LRBA: variants seen among roughly 807,000 people sequenced by gnomAD.
LRBA encodes LPS responsive beige-like anchor protein.
A neutral mutation model predicts 330.0 loss-of-function variants in LRBA; 176 were observed. The observed-to-expected ratio is 0.53, with a 90% CI of 0.47 to 0.60. The LOEUF (loss-of-function observed/expected upper bound fraction) is 0.60, where lower values mean the gene tolerates loss of function less well. Ranked by LOEUF, LRBA falls within the 20% of genes least tolerant of loss-of-function variation. LRBA has a pLI of 0.00. For synonymous variants in LRBA, 1,230 were observed against 1,193.0 expected (o/e 1.03, Z -0.64); for missense variants, 3,259 against 3,444.8 (o/e 0.95, Z 1.35).
Position 150,915,681 on chromosome 4 carries a change from C to T in LRBA, c.941G>A (p.Ser314Asn), listed in dbSNP as rs373268586. The stretch of plus-strand genomic sequence containing the variant: ...ACCATTCACATAACATCGAAGTTCA[C>T]TATTCTTCCATCGGTTATAGATGTG... ...IVHIYNRWKNSELRCYVNGEL... is the reference protein window; with the variant it reads ...IVHIYNRWKNNELRCYVNGEL... Residue 314 changes from serine (S) to asparagine (N), a missense_variant, in exon 8 of 57, where the codon AGT becomes AAT. By Grantham distance (46) the Ser-to-Asn change is conservative (BLOSUM62 1). Coordinates refer to ENST00000651943, the MANE Select transcript of LRBA (RefSeq NM_001364905.1). The T allele has an allele frequency of 2.5e-6, 4 of 1,612,710 alleles. No individual in the cohort carries two copies. Among genetic ancestry groups the T allele is most frequent in the East Asian group, 2.2e-5 (1 of 44,768 alleles).
At chr4:150,787,997 G>GT (rs1011193504) in intron 34 of LRBA, among the ~76,000 whole-genome samples, 2 of 152,122 alleles carry the variant, frequency 1.3e-5, no homozygotes, top group African/African-American at 2.4e-5. Context: ...TGTATTTTTA[G>GT]TTTTTTGAGG....
chr4:150,295,451 C>T (rs1283633420), intron 53 of LRBA, among the ~76,000 whole-genome samples: 1 of 152,040 alleles, frequency 6.6e-6, no homozygotes, highest in African/African-American at 2.4e-5. Flanking sequence ...CTTGTCTTGG[C>T]CTCCCAAAAT....
At chr4:150,517,815 C>A (rs1458617222) in intron 40 of LRBA, among the ~76,000 whole-genome samples, 1 of 152,148 alleles carries the variant, frequency 6.6e-6, no homozygotes, top group Non-Finnish European at 1.5e-5. Context: ...CCTTAGGGGA[C>A]ATCTGACACC....
At position 150,828,248 on chromosome 4, in the gene LRBA, T is replaced by C. The variant is rs776801748; in HGVS notation, c.5103A>G (p.Pro1701=). 10 of 1,614,134 alleles carry C rather than the reference T, an allele frequency of 6.2e-6. No individual in the cohort carries two copies. In the South Asian group the frequency reaches 1.1e-4, roughly 18 times the overall value. ...DGVTVDPALL[P]PACLGALGDL... is the part of the protein sequence containing the mutation. ...CACCAAGGGCTCCAAGGCAGGCTGG[T>C]GGCAGAAGGGCAGGATCCACTGTGA... is the stretch of plus-strand genomic sequence containing the variant. The change falls in exon 30 of 57, where the codon CCA becomes CCG. Residue 1701 remains proline, a synonymous_variant. Coordinates refer to ENST00000651943, the MANE Select transcript of LRBA (RefSeq NM_001364905.1).
chr4:150,777,355 A>G (rs1737529045), intron 34 of LRBA, among the ~76,000 whole-genome samples: 1 of 151,412 alleles, frequency 6.6e-6, no homozygotes, highest in African/African-American at 2.5e-5. Flanking sequence ...GCTCTCAGAA[A>G]CCAAACATAA....
intron 34 of LRBA, among the ~76,000 whole-genome samples, chr4:150,795,165 A>G (rs1463995705): frequency 6.6e-6 from 1 of 152,130 alleles, no homozygotes. Flanking sequence ...GTGGCCTTGA[A>G]TGCAACGTCA....
At chr4:150,298,572 C>T (rs114052201) in intron 53 of LRBA, among the ~76,000 whole-genome samples, 1,641 of 152,126 alleles carry the variant, frequency 0.011, 26 homozygotes, top group African/African-American at 0.038. Flanking sequence ...AAAAACAGCT[C>T]TGTGGTCTGT....
At chr4:150,888,081 T>C (rs1197712812) in intron 17 of LRBA, among the ~76,000 whole-genome samples, 3 of 151,668 alleles carry the variant, frequency 2.0e-5, no homozygotes, top group East Asian at 1.9e-4. Flanking sequence ...AGATTTCTCA[T>C]TGGAAACCAT....
chr4:150,351,472 G>A (rs1382076439), intron 47 of LRBA, among the ~76,000 whole-genome samples: 1 of 151,996 alleles, frequency 6.6e-6, no homozygotes, highest in South Asian at 2.1e-4. Flanking sequence ...GGCGGATCAC[G>A]AGGTCAGGAG....
rs62344667 is a variant in LRBA, at chr4:150,463,476, T to C, written c.6780+4197A>G. Among the ~76,000 whole-genome samples the C allele has an allele frequency of 7.8e-3, 1,186 of 152,134 alleles. 11 individuals are homozygous for C. Among genetic ancestry groups the C allele is most frequent in the Non-Finnish European group, 0.011 (754 of 67,956 alleles). On this transcript the variant is annotated intron_variant, in intron 44 of 56. Transcript: ENST00000651943. ...AAATGACATTTCTTATGTCTTTGTTTAGTGGATGTGGACATATTTGGATAG... is the reference window on the plus strand; with the variant it reads ...AAATGACATTTCTTATGTCTTTGTTCAGTGGATGTGGACATATTTGGATAG...
chr4:150,454,088 G>A (rs1753739341), intron 44 of LRBA, among the ~76,000 whole-genome samples: 1 of 151,956 alleles, frequency 6.6e-6, no homozygotes, highest in African/African-American at 2.4e-5. Flanking sequence ...AGCCTCCCAA[G>A]TAGCTGGGAT....
chr4:150,825,315 T>A (rs1386482637), intron 30 of LRBA, among the ~76,000 whole-genome samples: 1 of 152,170 alleles, frequency 6.6e-6, no homozygotes, highest in Non-Finnish European at 1.5e-5. Context: ...ATTGTTAGCA[T>A]CACTTAAAAT....
intron 44 of LRBA, among the ~76,000 whole-genome samples, chr4:150,451,965 C>T (rs1223451200): frequency 3.9e-5 from 6 of 152,152 alleles, no homozygotes; most frequent in Non-Finnish European, 5.9e-5. Context: ...AAACTCTTGG[C>T]CTAAATGGCT....
At chr4:150,559,940 CTATATAAATATA>C (rs1260326812) in intron 40 of LRBA, among the ~76,000 whole-genome samples, 17 of 93,348 alleles carry the variant, frequency 1.8e-4, no homozygotes, top group African/African-American at 4.7e-4. Context: ...ATATATATAT[CTATATAAATATA>C]TATATAAATA....
At chr4:150,694,624 A>G (rs1366385688) in intron 36 of LRBA, among the ~76,000 whole-genome samples, 1 of 152,110 alleles carries the variant, frequency 6.6e-6, no homozygotes, top group East Asian at 1.9e-4. Context: ...CAACGACTCA[A>G]AGTATTGATT....
intron 2 of LRBA, among the ~76,000 whole-genome samples, chr4:150,966,159 A>G (rs932808134): frequency 1.3e-5 from 2 of 152,222 alleles, no homozygotes; most frequent in African/African-American, 4.8e-5. Flanking sequence ...AGGGAAGTAC[A>G]TATTGGAGAC....
chr4:150,454,153 G>T (rs1179795961), intron 44 of LRBA, among the ~76,000 whole-genome samples: 1 of 152,000 alleles, frequency 6.6e-6, no homozygotes, highest in Non-Finnish European at 1.5e-5. Context: ...TAGAGACAGG[G>T]TTTTACCATG....
rs984076055 is a variant in LRBA at position 150,282,727 on chromosome 4, C to A, written c.8120-81G>T. On this transcript the variant is annotated intron_variant, in intron 54 of 56. Coordinates refer to ENST00000651943, the MANE Select transcript of LRBA (RefSeq NM_001364905.1). Reference sequence around the variant, plus strand: ...ATCTGAATCTTGAGCACAGATCAAACAGGATTATAGAACCACACTATAGAT... The same window carrying A: ...ATCTGAATCTTGAGCACAGATCAAAAAGGATTATAGAACCACACTATAGAT... 5.0e-6 allele frequency: 5 copies of A among 1,009,078 alleles called. No individual in the cohort carries two copies. The African/African-American group carries it at 8.1e-5, about 16-fold the overall frequency. 62.5% of individuals were successfully genotyped at this position (1,009,078 alleles called of 1,614,324 possible). A position where few individuals can be genotyped will look rare whatever the true frequency, so the allele number is the denominator to read the frequency against.
chr4:150,747,241 G>A (rs916320917), intron 35 of LRBA, among the ~76,000 whole-genome samples: 1 of 152,062 alleles, frequency 6.6e-6, no homozygotes, highest in South Asian at 2.1e-4. Context: ...CAAAGTAAAG[G>A]TTCACTACAG....
Sources: gnomAD v4.1 joint callset for allele counts (sites outside exome capture counted in the v4.1 genomes callset) on GRCh38, gnomAD v4.1.1 for gene constraint, MANE v1.5 for transcripts, NCBI Gene and HGNC (gene_info 2026-07-23, HGNC 2026-07-21) for gene names.